Variants in STX8 observed in about 807,000 individuals in gnomAD.
The protein encoded by STX8 is syntaxin-8.
STX8 carries 23 observed loss-of-function variants against 37.5 expected under a neutral mutation model. That is an observed-to-expected ratio of 0.61 (90% CI 0.44 to 0.87). The LOEUF is 0.87. Among genes scored for constraint, STX8 ranks in the 40% least tolerant of loss-of-function variants. STX8 has a pLI of 0.00. For synonymous variants in STX8, 115 were observed against 99.1 expected (o/e 1.16, Z -0.95); for missense variants, 313 against 284.7 (o/e 1.10, Z -0.71).
intron 6 of STX8, among the ~76,000 whole-genome samples, chr17:9,428,022 AG>A (rs1913701878): frequency 6.6e-6 from 1 of 152,082 alleles, no homozygotes; most frequent in Non-Finnish European, 1.5e-5. Flanking sequence ...TATGGACCCA[AG>A]GGCTGTAGCA....
At chr17:9,333,644 C>T (rs1910039024) in intron 7 of STX8, among the ~76,000 whole-genome samples, 1 of 152,210 alleles carries the variant, frequency 6.6e-6, no homozygotes, top group African/African-American at 2.4e-5. Flanking sequence ...CCGCCTTGGC[C>T]TCCCAAAGTG....
Position 9,491,717 on chromosome 17 carries a change from T to C in STX8, c.541+112A>G, listed in dbSNP as rs7222078. 0.17 allele frequency: 151,928 copies of C among 890,144 alleles called. 14,075 individuals are homozygous for C. Among genetic ancestry groups the C allele is most frequent in the South Asian group, 0.25 (13,860 of 55,048 alleles). 55.1% of individuals were successfully genotyped at this position (890,144 alleles called of 1,614,324 possible). A position where few individuals can be genotyped will look rare whatever the true frequency, so the allele number is the denominator to read the frequency against. ...CCAATGCGTTAAACTGTAACAATCA[T>C]TGACATTAAACCACTTTACATGTTG... On this transcript the variant is annotated intron_variant, in intron 6 of 7. Transcript: ENST00000306357.
At position 9,505,131 on chromosome 17, in the gene STX8, C is replaced by G; in HGVS notation, c.355G>C (p.Gly119Arg). The change falls in exon 5 of 8, where the codon GGA (glycine) becomes CGA (arginine). Residue 119 changes from glycine to arginine, a missense_variant. Physicochemically the swap from Gly to Arg is moderately radical, Grantham distance 125. Transcript: ENST00000306357. ...SSLMSEEAKR[G>R]APNPWLFEEP... Reference sequence around the variant, plus strand: ...TCAAAGAGCCAAGGGTTGGGTGCTCCTCGCTTAGCCTCTTCACTCATCAGG... The same window carrying G: ...TCAAAGAGCCAAGGGTTGGGTGCTCGTCGCTTAGCCTCTTCACTCATCAGG... 1 of 1,614,022 alleles carries G rather than the reference C, an allele frequency of 6.2e-7. No individual in the cohort carries two copies.
intron 7 of STX8, among the ~76,000 whole-genome samples, chr17:9,290,390 C>T (rs1430562209): frequency 3.3e-5 from 5 of 152,218 alleles, no homozygotes; most frequent in Non-Finnish European, 7.4e-5. Flanking sequence ...ATGGAACACG[C>T]AGGTATTGGG....
At chr17:9,287,976 T>C (rs1405670612) in intron 7 of STX8, among the ~76,000 whole-genome samples, 2 of 151,186 alleles carry the variant, frequency 1.3e-5, no homozygotes, top group Non-Finnish European at 3.0e-5. Context: ...TTTCAATCTC[T>C]TGACCTTGTG....
At chr17:9,409,435 A>G (rs938003053) in intron 6 of STX8, among the ~76,000 whole-genome samples, 1 of 152,336 alleles carries the variant, frequency 6.6e-6, no homozygotes, top group African/African-American at 2.4e-5. Context: ...TTAAATGAGA[A>G]GAATACAGCA....
intron 7 of STX8, among the ~76,000 whole-genome samples, chr17:9,274,086 G>A (rs1362925089): frequency 6.6e-6 from 1 of 152,158 alleles, no homozygotes; most frequent in Non-Finnish European, 1.5e-5. Context: ...CTACCAAAAA[G>A]TCAGACAAGA....
intron 6 of STX8, among the ~76,000 whole-genome samples, chr17:9,460,036 A>G (rs751982673): frequency 5.3e-5 from 8 of 152,226 alleles, no homozygotes; most frequent in Non-Finnish European, 1.0e-4. Flanking sequence ...GAGGGCACAG[A>G]AGGCCATGTT....
chr17:9,435,496 G>C (rs965043764), intron 6 of STX8, among the ~76,000 whole-genome samples: 1 of 152,098 alleles, frequency 6.6e-6, no homozygotes, highest in African/African-American at 2.4e-5. Flanking sequence ...GACTTTCATC[G>C]TTACTTATCT....
chr17:9,320,513 C>T (rs80071271), intron 7 of STX8, among the ~76,000 whole-genome samples: 1 of 152,020 alleles, frequency 6.6e-6, no homozygotes, highest in African/African-American at 2.4e-5. Flanking sequence ...TGGTATTACA[C>T]TGTATAATAT....
rs1049448943 is a variant in STX8 at position 9,397,944 on chromosome 17, C to T, written c.542-19291G>A. ...CAGAGGTTGCCGTGAGCCGAGATCA[C>T]GCCATTGCACTCCAGCCTGGGGGAC... On this transcript the variant is annotated intron_variant, in intron 6 of 7. Transcript: ENST00000306357. Among the ~76,000 whole-genome samples the T allele has an allele frequency of 4.1e-5, 6 of 146,422 alleles. No individual in the cohort carries two copies. In the East Asian group the frequency reaches 6.1e-4, roughly 15 times the overall value.
chr17:9,468,949 C>A (rs1905729132), intron 6 of STX8, among the ~76,000 whole-genome samples: 1 of 152,170 alleles, frequency 6.6e-6, no homozygotes, highest in Non-Finnish European at 1.5e-5. Flanking sequence ...ATACAAAAGC[C>A]CCTCCGAGGC....
intron 7 of STX8, among the ~76,000 whole-genome samples, chr17:9,352,889 C>T (rs1910757829): frequency 6.6e-6 from 1 of 151,738 alleles, no homozygotes; most frequent in African/African-American, 2.4e-5. Context: ...CAATTGCCTC[C>T]ATTTTTTTTT....
intron 5 of STX8, among the ~76,000 whole-genome samples, chr17:9,492,378 AATG>A (rs1228035082): frequency 2.6e-4 from 39 of 152,236 alleles, no homozygotes; most frequent in Admixed American, 2.4e-3. Flanking sequence ...GATTAAAAAG[AATG>A]ACAATACCTA....
At chr17:9,412,293 T>G (rs1913006839) in intron 6 of STX8, among the ~76,000 whole-genome samples, 1 of 152,128 alleles carries the variant, frequency 6.6e-6, no homozygotes, top group Non-Finnish European at 1.5e-5. Context: ...TTTTTTTTTT[T>G]TTTGAGACGG....
intron 6 of STX8, among the ~76,000 whole-genome samples, chr17:9,382,644 T>C (rs977533321): frequency 3.3e-5 from 5 of 152,170 alleles, no homozygotes; most frequent in African/African-American, 1.2e-4. Context: ...CTATAAAGCA[T>C]AGTGTTTGTA....
At chr17:9,428,997 C>T (rs1338352678) in intron 6 of STX8, among the ~76,000 whole-genome samples, 1 of 151,964 alleles carries the variant, frequency 6.6e-6, no homozygotes, top group African/African-American at 2.4e-5. Context: ...AGTTCATAGC[C>T]CCATATTTCA....
intron 6 of STX8, among the ~76,000 whole-genome samples, chr17:9,457,345 C>CTTGTGG (rs1366268679): frequency 6.6e-6 from 1 of 152,206 alleles, no homozygotes; most frequent in Admixed American, 6.5e-5. Context: ...CTAGGGGCTG[C>CTTGTGG]CCACACTCCT....
In STX8 at chr17:9,359,421, A is replaced by T. The variant is rs144234128; in HGVS notation, c.643+19131T>A. ...AATAGAGAGCCTGAAATCCCCAAAG[A>T]GAAATCCCTTGAAGGGCTCCTCTGA... is the stretch of plus-strand genomic sequence containing the variant. On this transcript the variant is annotated intron_variant, in intron 7 of 7. Transcript: ENST00000306357. Among the ~76,000 whole-genome samples, 47 of 152,100 alleles carry T rather than the reference A, an allele frequency of 3.1e-4. No homozygotes were observed. In the East Asian group the frequency reaches 8.7e-3, roughly 28 times the overall value.
Sources: gnomAD v4.1 joint callset for allele counts (sites outside exome capture counted in the v4.1 genomes callset) on GRCh38, gnomAD v4.1.1 for gene constraint, MANE v1.5 for transcripts, NCBI Gene and HGNC (gene_info 2026-07-23, HGNC 2026-07-21) for gene names.